Variants in SLIT3 observed in about 807,000 individuals in gnomAD.
SLIT3 encodes slit guidance ligand 3, also known as slit homolog 3 protein.
In SLIT3, 68 loss-of-function variants were observed where a neutral mutation model predicts 184.0. The observed-to-expected ratio is 0.37, with a 90% CI of 0.30 to 0.45. SLIT3 has a LOEUF of 0.45. Among genes scored for constraint, SLIT3 ranks in the 20% least tolerant of loss-of-function variants. The probability of loss-of-function intolerance (pLI) is 1.00; values close to 1 mark genes in which losing one functional copy is unlikely to be tolerated. For synonymous variants in SLIT3, 831 were observed against 828.6 expected, an observed-to-expected ratio of 1.00 and a Z score of -0.05; for missense variants, 1,707 against 2,026.0, an observed-to-expected ratio of 0.84 and a Z score of 3.02.
intron 6 of SLIT3, among the ~76,000 whole-genome samples, chr5:168,828,804 C>A (rs1757787893): frequency 6.6e-6 from 1 of 152,128 alleles, no homozygotes; most frequent in South Asian, 2.1e-4. Flanking sequence ...AATGAGCTTT[C>A]CAGAGGAGTC....
At chr5:169,160,409 A>G (rs1762438824) in intron 4 of SLIT3, among the ~76,000 whole-genome samples, 1 of 152,212 alleles carries the variant, frequency 6.6e-6, no homozygotes, top group Non-Finnish European at 1.5e-5. Context: ...CCAGTGAAAT[A>G]CCTAAGAAAA....
intron 16 of SLIT3, among the ~76,000 whole-genome samples, chr5:168,754,849 T>C (rs937383208): frequency 3.3e-5 from 5 of 152,208 alleles, no homozygotes; most frequent in African/African-American, 1.2e-4. Flanking sequence ...AGAGTTAAAA[T>C]AGTGACTCTC....
At chr5:168,696,711 C>T (rs899285183) in intron 27 of SLIT3, among the ~76,000 whole-genome samples, 7 of 152,160 alleles carry the variant, frequency 4.6e-5, no homozygotes, top group Admixed American at 1.3e-4. Context: ...ACCAACAAGG[C>T]CGGTGTCATC....
At chr5:169,038,855 C>G (rs892555377) in intron 4 of SLIT3, among the ~76,000 whole-genome samples, 1 of 152,128 alleles carries the variant, frequency 6.6e-6, no homozygotes, top group African/African-American at 2.4e-5. Context: ...CCTACCTCCA[C>G]CTCCAAGCAA....
intron 9 of SLIT3, among the ~76,000 whole-genome samples, chr5:168,800,430 C>CA (rs1756724270): frequency 6.6e-6 from 1 of 151,946 alleles, no homozygotes; most frequent in Admixed American, 6.6e-5. Context: ...ACTAAAAATA[C>CA]AAAAAAATTA....
intron 4 of SLIT3, among the ~76,000 whole-genome samples, chr5:168,912,816 G>A (rs1008235830): frequency 6.6e-6 from 1 of 152,072 alleles, no homozygotes; most frequent in African/African-American, 2.4e-5. Context: ...CAAACTTTCT[G>A]CACGGCTCCC....
intron 4 of SLIT3, among the ~76,000 whole-genome samples, chr5:168,905,729 G>A (rs766752970): frequency 1.3e-5 from 2 of 152,186 alleles, no homozygotes; most frequent in Non-Finnish European, 2.9e-5. Flanking sequence ...CCAGAAACTC[G>A]TATACCCCTT....
chr5:168,706,267 G>A (rs931252828), intron 26 of SLIT3, among the ~76,000 whole-genome samples: 2 of 151,340 alleles, frequency 1.3e-5, no homozygotes, highest in Admixed American at 1.3e-4. Context: ...CTGTACATTT[G>A]ATTCTTACGG....
intron 29 of SLIT3, among the ~76,000 whole-genome samples, chr5:168,691,534 C>T (rs1405018676): frequency 6.6e-6 from 1 of 152,226 alleles, no homozygotes; most frequent in Non-Finnish European, 1.5e-5. Flanking sequence ...GGAGATGCCA[C>T]TGGTGGGCAT....
intron 3 of SLIT3, among the ~76,000 whole-genome samples, chr5:169,229,683 T>C (rs1764931882): frequency 7.0e-6 from 1 of 141,872 alleles, no homozygotes; most frequent in African/African-American, 2.4e-5. Context: ...TATTCATCAC[T>C]CTTGGGCCGT....
intron 9 of SLIT3, among the ~76,000 whole-genome samples, chr5:168,802,967 T>A (rs1756822007): frequency 6.6e-6 from 1 of 152,232 alleles, no homozygotes. Flanking sequence ...GAGCCAAAGC[T>A]GGAATGTATG....
chr5:168,927,001 G>C lies in SLIT3; in HGVS notation c.414-43665C>G, dbSNP rs184574350. Among the ~76,000 whole-genome samples, 7 of 152,258 alleles carry C rather than the reference G, an allele frequency of 4.6e-5. No individual in the cohort carries two copies. The East Asian group carries it at 7.7e-4, about 17-fold the overall frequency. On this transcript the variant is annotated intron_variant, in intron 4 of 35. Coordinates refer to ENST00000519560, the MANE Select transcript of SLIT3 (RefSeq NM_003062.4). ...ACATTAAAAAACAGAATTACCATAC[G>C]ATCCAGCAGTTCCACCTTTATGTAT...
At chr5:168,827,835 T>G (rs1757753255) in intron 6 of SLIT3, among the ~76,000 whole-genome samples, 1 of 152,240 alleles carries the variant, frequency 6.6e-6, no homozygotes, top group Non-Finnish European at 1.5e-5. Context: ...TCCCATCCAA[T>G]GCAGCCTGTT....
chr5:168,828,658 C>CAAAAAAAAAAAAAAAAAAAAAAAAAAA (rs56974958), intron 6 of SLIT3, among the ~76,000 whole-genome samples: 22 of 97,134 alleles, frequency 2.3e-4, no homozygotes, highest in Non-Finnish European at 3.3e-4. Context: ...GATCCTGACT[C>CAAAAAAAAAAAAAAAAAAAAAAAAAAA]AAAAAAAAAA....
chr5:168,920,292 G>A (rs1447363079), intron 4 of SLIT3, among the ~76,000 whole-genome samples: 1 of 152,034 alleles, frequency 6.6e-6, no homozygotes, highest in Admixed American at 6.6e-5. Context: ...GATTTTTAGC[G>A]AGCTGGAGCC....
chr5:168,744,385 C>G (rs1189365927), intron 20 of SLIT3, among the ~76,000 whole-genome samples: 1 of 152,206 alleles, frequency 6.6e-6, no homozygotes, highest in Non-Finnish European at 1.5e-5. Context: ...GCAAGTTATC[C>G]AGATGATCTA....
At chr5:168,788,381 C>T (rs921626192) in intron 11 of SLIT3, among the ~76,000 whole-genome samples, 5 of 152,096 alleles carry the variant, frequency 3.3e-5, no homozygotes, top group African/African-American at 1.2e-4. Flanking sequence ...TGGGATGGGG[C>T]CAGGTGGGGG....
chr5:168,803,876 G>C (rs1454774001), intron 9 of SLIT3, among the ~76,000 whole-genome samples: 1 of 152,104 alleles, frequency 6.6e-6, no homozygotes, highest in Non-Finnish European at 1.5e-5. Context: ...GAGGCTCACT[G>C]TGGCTGGATG....
At chr5:169,205,702 A>G (rs1250131282) in intron 3 of SLIT3, among the ~76,000 whole-genome samples, 1 of 152,216 alleles carries the variant, frequency 6.6e-6, no homozygotes. Context: ...TTTGTGAAGA[A>G]CTGAAAGTGC....
Sources: allele counts gnomAD v4.1 joint callset (sites outside exome capture counted in the v4.1 genomes callset), GRCh38; gene constraint gnomAD v4.1.1; transcripts MANE v1.5; gene names NCBI Gene and HGNC (gene_info 2026-07-23, HGNC 2026-07-21).